JAKMIP1: variants seen among roughly 807,000 people sequenced by gnomAD.
JAKMIP1 encodes the protein janus kinase and microtubule interacting protein 1, also known as janus kinase and microtubule-interacting protein 1.
JAKMIP1 carries 33 observed loss-of-function variants against 113.0 expected under a neutral mutation model. That is an observed-to-expected ratio of 0.29 (90% CI 0.22 to 0.39). The LOEUF is 0.39. Ranked by LOEUF, JAKMIP1 falls within the 10% of genes least tolerant of loss-of-function variation. The probability of loss-of-function intolerance (pLI) is 1.00; values close to 1 mark genes in which losing one functional copy is unlikely to be tolerated. For synonymous variants in JAKMIP1, 480 were observed against 459.9 expected, an observed-to-expected ratio of 1.04 and a Z score of -0.56; for missense variants, 813 against 1,080.5, an observed-to-expected ratio of 0.75 and a Z score of 3.47.
Position 6,094,048 on chromosome 4 carries a change from A to G in JAKMIP1, c.625-8419T>C, listed in dbSNP as rs1446907962. Among the ~76,000 whole-genome samples the G allele has an allele frequency of 2.0e-5, 3 of 152,138 alleles. No individual in the cohort carries two copies. The highest frequency in any genetic ancestry group is 2.9e-5 in the Non-Finnish European group (2 of 68,026). On this transcript the variant is annotated intron_variant, in intron 3 of 20. Coordinates refer to ENST00000409021, the MANE Select transcript of JAKMIP1 (RefSeq NM_001099433.2). The surrounding 1 kb of genome is among the most constrained non-coding windows in gnomAD (Gnocchi z 4.2). ...CCCCAGTAGACTGCGAGCTCCCTGC[A>G]GATGGCCAGGCAGGGTTTTAGCCAT... is the stretch of plus-strand genomic sequence containing the variant.
chr4:6,197,710 AG>A lies in JAKMIP1; in HGVS notation c.-148+2542del, dbSNP rs1727996255. 6.6e-6 allele frequency among the ~76,000 whole-genome samples: 1 copy of A among 152,350 alleles called. No individual in the cohort carries two copies. The highest frequency in any genetic ancestry group is 2.1e-4 in the South Asian group (1 of 4,832). On this transcript the variant is annotated intron_variant, in intron 1 of 20. Coordinates refer to ENST00000409021, the MANE Select transcript of JAKMIP1 (RefSeq NM_001099433.2). The surrounding 1 kb of genome is among the most constrained non-coding windows in gnomAD (Gnocchi z 6.5). ...CCCCCATTTAGTTAGAAAGCCCAGCAGGGAGGCACTTGCCCAGTCACAGCTA... is the reference window on the plus strand; with the variant it reads ...CCCCCATTTAGTTAGAAAGCCCAGCAGGAGGCACTTGCCCAGTCACAGCTA...
intron 1 of JAKMIP1, among the ~76,000 whole-genome samples, chr4:6,172,557 G>T (rs533419133): frequency 6.6e-6 from 1 of 151,836 alleles, no homozygotes; most frequent in Non-Finnish European, 1.5e-5. Flanking sequence ...GGTAGCTCAC[G>T]GCCATCTCAT....
chr4:6,082,281 C>T (rs1429814009), intron 5 of JAKMIP1, among the ~76,000 whole-genome samples: 2 of 151,904 alleles, frequency 1.3e-5, no homozygotes, highest in Non-Finnish European at 2.9e-5. Flanking sequence ...ACTCCCCAGG[C>T]TGTAAATGTT....
intron 1 of JAKMIP1, among the ~76,000 whole-genome samples, chr4:6,151,541 A>G (rs1198107176): frequency 6.6e-6 from 1 of 151,954 alleles, no homozygotes; most frequent in East Asian, 1.9e-4. Context: ...TCTAGCCTCA[A>G]TGTCACCTCC....
rs1159141986 is a variant in JAKMIP1 at position 6,181,402 on chromosome 4, T to C, written c.-148+18851A>G. Among the ~76,000 whole-genome samples, 1 of 152,150 alleles carries C rather than the reference T, an allele frequency of 6.6e-6. No homozygotes were observed. Among genetic ancestry groups the C allele is most frequent in the African/African-American group, 2.4e-5 (1 of 41,430 alleles). On this transcript the variant is annotated intron_variant, in intron 1 of 20. Transcript: ENST00000409021. This position sits in a 1 kb window ranked among gnomAD's most constrained non-coding sequence, Gnocchi z 5.4. ...TACTGCCAGGTTACTACCAGGTCACTATCAGGTTACCACCAGCTCAGTACA... is the reference window on the plus strand; with the variant it reads ...TACTGCCAGGTTACTACCAGGTCACCATCAGGTTACCACCAGCTCAGTACA...
At chr4:6,083,312 A>T (rs1720850830) in intron 5 of JAKMIP1, among the ~76,000 whole-genome samples, 1 of 151,816 alleles carries the variant, frequency 6.6e-6, no homozygotes, top group African/African-American at 2.4e-5. Flanking sequence ...CTGAGGCAGG[A>T]GAATCACTTG....
In JAKMIP1 at chr4:6,081,486, G is replaced by T; in HGVS notation, c.1101+123C>A. The T allele has an allele frequency of 9.7e-7, 1 of 1,031,988 alleles. No homozygotes were observed. Among genetic ancestry groups the T allele is most frequent in the Non-Finnish European group, 1.5e-6 (1 of 688,298 alleles). The allele number at this position is 1,031,988 out of a possible 1,614,324, so 63.9% of individuals were successfully genotyped here. A position where few individuals can be genotyped will look rare whatever the true frequency, so the allele number is the denominator to read the frequency against. Reference sequence around the variant, plus strand: ...ACATCTGTGACTGACACTGTGCCTGGTGCTTTGTGGGGAGGTGGGCAGCAG... The same window carrying T: ...ACATCTGTGACTGACACTGTGCCTGTTGCTTTGTGGGGAGGTGGGCAGCAG... On this transcript the variant is annotated intron_variant, in intron 6 of 20. Coordinates refer to ENST00000409021, the MANE Select transcript of JAKMIP1 (RefSeq NM_001099433.2). The surrounding 1 kb of genome is among the most constrained non-coding windows in gnomAD (Gnocchi z 4.6).
intron 2 of JAKMIP1, among the ~76,000 whole-genome samples, chr4:6,112,027 G>A (rs1715015834): frequency 6.6e-6 from 1 of 152,204 alleles, no homozygotes; most frequent in South Asian, 2.1e-4. Flanking sequence ...TGGGAAGCGG[G>A]GAAGTGGGAC....
rs2108786470 is a variant in JAKMIP1, at chr4:6,062,345, C to T, written c.1527G>A (p.Val509=). 6.2e-7 allele frequency: 1 copy of T among 1,613,462 alleles called. No individual in the cohort carries two copies. The highest frequency in any genetic ancestry group is 1.7e-4 in the Middle Eastern group (1 of 5,942). Residue 509 remains valine, a synonymous_variant, in exon 10 of 21, where the codon GTG becomes GTA. Coordinates refer to ENST00000409021, the MANE Select transcript of JAKMIP1 (RefSeq NM_001099433.2). ...QRAYALLQEQ[V]GGTLDAEREA... ...CCCTCTCAGCGTCCAGCGTGCCTCC[C>T]ACCTGCTCCTGGAGCAGGGCGTAGG...
intron 3 of JAKMIP1, among the ~76,000 whole-genome samples, chr4:6,087,062 G>A (rs971726916): frequency 3.9e-5 from 6 of 152,158 alleles, no homozygotes; most frequent in South Asian, 2.1e-4. Flanking sequence ...TATTTGTTGC[G>A]GCAGCTGCAA....
chr4:6,078,372 A>G (rs1458509461), intron 8 of JAKMIP1, among the ~76,000 whole-genome samples: 1 of 150,920 alleles, frequency 6.6e-6, no homozygotes, highest in East Asian at 2.0e-4. Context: ...GGAGCCAAAA[A>G]TAGGTTTACA....
chr4:6,141,784 G>A lies in JAKMIP1; in HGVS notation c.-147-28787C>T, dbSNP rs565534573. Among the ~76,000 whole-genome samples the A allele has an allele frequency of 1.2e-4, 19 of 152,244 alleles. No individual in the cohort carries two copies. The highest frequency in any genetic ancestry group is 4.2e-4 in the South Asian group (2 of 4,814). On this transcript the variant is annotated intron_variant, in intron 1 of 20. Coordinates refer to ENST00000409021, the MANE Select transcript of JAKMIP1 (RefSeq NM_001099433.2). This position sits in a 1 kb window ranked among gnomAD's most constrained non-coding sequence, Gnocchi z 9.4. ...CGAGGATGCTGACTGTCCACTCTTC[G>A]GCAACCTCCCTGGCCACTGAGCAGC...
At chr4:6,160,747 G>A (rs375827683) in intron 1 of JAKMIP1, among the ~76,000 whole-genome samples, 1 of 152,178 alleles carries the variant, frequency 6.6e-6, no homozygotes. Flanking sequence ...TCCACCCGTC[G>A]TCTGAAGTCT....
rs565088346 is a variant in JAKMIP1 at position 6,157,912 on chromosome 4, T to G, written c.-148+42341A>C. Among the ~76,000 whole-genome samples the G allele has an allele frequency of 7.2e-5, 11 of 152,370 alleles. No individual in the cohort carries two copies. In the East Asian group the frequency reaches 2.1e-3, roughly 29 times the overall value. ...TGTTAGAACCAAGGGTGTCTTGCTT[T>G]GCATCAGCAGCACTAACTCCTGATG... On this transcript the variant is annotated intron_variant, in intron 1 of 20. Transcript: ENST00000409021. The surrounding 1 kb of genome is among the most constrained non-coding windows in gnomAD (Gnocchi z 4.7).
At chr4:6,125,190 G>T (rs1717235871) in intron 1 of JAKMIP1, among the ~76,000 whole-genome samples, 1 of 152,106 alleles carries the variant, frequency 6.6e-6, no homozygotes, top group Non-Finnish European at 1.5e-5. Context: ...AGGCACCACA[G>T]TCCCCAGCCC....
At chr4:6,127,545 T>G (rs1212007588) in intron 1 of JAKMIP1, among the ~76,000 whole-genome samples, 1 of 152,150 alleles carries the variant, frequency 6.6e-6, no homozygotes, top group African/African-American at 2.4e-5. Flanking sequence ...CACTGGCACG[T>G]TGGTGAGGCC....
At chr4:6,026,544 A>G (rs1251581601) in intron 20 of JAKMIP1, among the ~76,000 whole-genome samples, 4 of 151,882 alleles carry the variant, frequency 2.6e-5, no homozygotes, top group African/African-American at 9.7e-5. Flanking sequence ...GGAGATTGAC[A>G]CTCTGGACCG....
rs1719661659 is a variant in JAKMIP1 at position 6,076,119 on chromosome 4, T to C, written c.1302+2820A>G. 6.6e-6 allele frequency among the ~76,000 whole-genome samples: 1 copy of C among 152,134 alleles called. No homozygotes were observed. Among genetic ancestry groups the C allele is most frequent in the Non-Finnish European group, 1.5e-5 (1 of 68,028 alleles). ...TGAACCTGGGAGGCAGAGGTTGCAA[T>C]GAGCCGAGATTGTGCCATTGCACTC... On this transcript the variant is annotated intron_variant, in intron 8 of 20. Coordinates refer to ENST00000409021, the MANE Select transcript of JAKMIP1 (RefSeq NM_001099433.2). This position sits in a 1 kb window ranked among gnomAD's most constrained non-coding sequence, Gnocchi z 4.8.
rs960335522 is a variant in JAKMIP1 at position 6,199,790 on chromosome 4, G to C, written c.-148+463C>G. 4.6e-5 allele frequency among the ~76,000 whole-genome samples: 7 copies of C among 151,426 alleles called. No individual in the cohort carries two copies. The highest frequency in any genetic ancestry group is 8.9e-5 in the Non-Finnish European group (6 of 67,732). ...CTTTGCCACCTGGGCGGAGATCTGGGGGACTGTGACCTACCCTGCGGAAGA... is the reference window on the plus strand; with the variant it reads ...CTTTGCCACCTGGGCGGAGATCTGGCGGACTGTGACCTACCCTGCGGAAGA... On this transcript the variant is annotated intron_variant, in intron 1 of 20. Coordinates refer to ENST00000409021, the MANE Select transcript of JAKMIP1 (RefSeq NM_001099433.2). This position sits in a 1 kb window ranked among gnomAD's most constrained non-coding sequence, Gnocchi z 5.6.
Sources: allele counts gnomAD v4.1 joint callset (sites outside exome capture counted in the v4.1 genomes callset), GRCh38; gene constraint gnomAD v4.1.1; non-coding constraint Gnocchi (gnomAD v3.1); transcripts MANE v1.5; gene names NCBI Gene and HGNC (gene_info 2026-07-23, HGNC 2026-07-21).